The following DDX31 variants were observed in gnomAD, a reference collection of about 807,000 sequenced individuals.
The protein encoded by DDX31 is DEAD-box helicase 31.
DDX31 carries 70 observed loss-of-function variants against 91.3 expected under a neutral mutation model. That is an observed-to-expected ratio of 0.77 (90% CI 0.63 to 0.94). DDX31 has a LOEUF of 0.94. Among genes scored for constraint, DDX31 ranks in the 40% least tolerant of loss-of-function variants. The pLI is 0.00. For synonymous variants in DDX31, 362 were observed against 350.6 expected (o/e 1.03, Z -0.36); for missense variants, 902 against 925.0 (o/e 0.98, Z 0.32).
At position 132,633,537 on chromosome 9, in the gene DDX31, A is replaced by G. The variant is rs977011452; in HGVS notation, c.1441-1446T>C. ...AGAGTACTATACAGCTATAAAAAGA[A>G]CAAAGATTTCTATATACGGATATGG... is the stretch of plus-strand genomic sequence containing the variant. On this transcript the variant is annotated intron_variant, in intron 14 of 19. Coordinates refer to ENST00000372159, the MANE Select transcript of DDX31 (RefSeq NM_022779.9). 5.3e-5 allele frequency among the ~76,000 whole-genome samples: 8 copies of G among 152,202 alleles called. No homozygotes were observed. The South Asian group carries it at 1.7e-3, about 31-fold the overall frequency.
intron 11 of DDX31, among the ~76,000 whole-genome samples, chr9:132,647,943 C>T (rs1458395140): frequency 6.6e-6 from 1 of 152,144 alleles, no homozygotes; most frequent in Non-Finnish European, 1.5e-5. Context: ...AGTCTTTTCT[C>T]GTCCTCATCC....
In DDX31 at chr9:132,658,754, A is replaced by G; in HGVS notation, c.524-19T>C. On this transcript the variant is annotated intron_variant, in intron 5 of 19. Coordinates refer to ENST00000372159, the MANE Select transcript of DDX31 (RefSeq NM_022779.9). The stretch of plus-strand genomic sequence containing the variant: ...GTTTTACCTTTCAAAAAAAAAGCAG[A>G]AGCAATTAAAATCACACACCCTACA... 6.2e-7 allele frequency: 1 copy of G among 1,611,854 alleles called. No homozygotes were observed.
chr9:132,614,046 A>G (rs186338435), intron 18 of DDX31, among the ~76,000 whole-genome samples: 69 of 151,962 alleles, frequency 4.5e-4, no homozygotes, highest in Non-Finnish European at 7.5e-4. Context: ...TCGCTTCCTC[A>G]CTCTCCTTGT....
Position 132,634,364 on chromosome 9 carries a change from A to ACG in DDX31, c.1441-2275_1441-2274dup, listed in dbSNP as rs200137730. Among the ~76,000 whole-genome samples the ACG allele has an allele frequency of 3.8e-3, 575 of 152,274 alleles. 3 individuals carry two copies. The highest frequency in any genetic ancestry group is 0.013 in the African/African-American group (539 of 41,540). On this transcript the variant is annotated intron_variant, in intron 14 of 19. Coordinates refer to ENST00000372159, the MANE Select transcript of DDX31 (RefSeq NM_022779.9). ...ATCTGTGTTCTATCTACGCATGCCCACGCACACACACACATATGCAAGCAC... is the reference window on the plus strand; with the variant it reads ...ATCTGTGTTCTATCTACGCATGCCCACGCGCACACACACACATATGCAAGCAC...
intron 6 of DDX31, among the ~76,000 whole-genome samples, chr9:132,656,422 G>A (rs901613808): frequency 4.6e-5 from 7 of 152,014 alleles, no homozygotes; most frequent in Non-Finnish European, 1.0e-4. Context: ...TCAAATCACT[G>A]CCCCTCCAAC....
intron 16 of DDX31, among the ~76,000 whole-genome samples, chr9:132,626,539 T>G (rs1395410891): frequency 1.3e-5 from 2 of 151,982 alleles, no homozygotes; most frequent in Non-Finnish European, 2.9e-5. Flanking sequence ...CGTGAGCTGC[T>G]GAAAGGATAC....
chr9:132,618,431 G>A lies in DDX31; in HGVS notation c.1724C>T (p.Ala575Val). 6.2e-7 allele frequency: 1 copy of A among 1,610,656 alleles called. No homozygotes were observed. The highest frequency in any genetic ancestry group is 1.1e-5 in the South Asian group (1 of 90,082). Residue 575 changes from alanine (A) to valine (V), a missense_variant, in exon 18 of 20, where the codon GCT becomes GTT. Physicochemically the swap from Ala to Val is moderately conservative, Grantham distance 64. Transcript: ENST00000372159. Reference sequence around the variant, plus strand: ...CTCTCGGATTTCCTGGGGGCCAACAGCATGGGATTTCTGAGAGGGCGACGG... The same window carrying A: ...CTCTCGGATTTCCTGGGGGCCAACAACATGGGATTTCTGAGAGGGCGACGG... The part of the protein sequence containing the change: ...GKRWGAQKSH[A>V]VGPQEIRERA...
At chr9:132,611,603 A>T (rs1014064245) in intron 19 of DDX31, among the ~76,000 whole-genome samples, 4 of 152,044 alleles carry the variant, frequency 2.6e-5, no homozygotes, top group African/African-American at 9.7e-5. Flanking sequence ...AGGAAAGGGG[A>T]AGGGCTCACC....
intron 18 of DDX31, among the ~76,000 whole-genome samples, chr9:132,617,296 A>G (rs1349428947): frequency 1.3e-5 from 2 of 152,062 alleles, no homozygotes; most frequent in African/African-American, 2.4e-5. Context: ...GCACTCTGCT[A>G]TGTCACCCCT....
At chr9:132,611,215 C>T (rs772343477) in intron 19 of DDX31, among the ~76,000 whole-genome samples, 4 of 152,128 alleles carry the variant, frequency 2.6e-5, no homozygotes, top group Non-Finnish European at 4.4e-5. Context: ...ACTAACCATC[C>T]ACAACGTTCT....
At chr9:132,659,658 A>G in intron 5 of DDX31, 52 bp downstream of exon 5, 1 of 1,558,396 alleles carries the variant, frequency 6.4e-7, no homozygotes, top group Non-Finnish European at 8.7e-7. Context: ...AACCTAGTGC[A>G]TGACCATGGG....
intron 16 of DDX31, 142 bp downstream of exon 16, chr9:132,630,122 G>A (rs966885018): frequency 4.6e-6 from 4 of 869,088 alleles, no homozygotes; most frequent in Non-Finnish European, 6.7e-6. Context: ...TTTAGTTTTT[G>A]CCACTGGCTA....
rs374806240 is a variant in DDX31 at position 132,652,713 on chromosome 9, A to G, written c.589-221T>C. 3.0e-4 allele frequency among the ~76,000 whole-genome samples: 46 copies of G among 152,132 alleles called. 1 individual carries two copies. Among genetic ancestry groups the G allele is most frequent in the African/African-American group, 1.0e-3 (42 of 41,544 alleles). ...TCCCACATGTTGTAGGAGGAAGGGC[A>G]GGGGGGCAGGAGTGAGGTGGTAATT... On this transcript the variant is annotated intron_variant, in intron 6 of 19. Coordinates refer to ENST00000372159, the MANE Select transcript of DDX31 (RefSeq NM_022779.9).
chr9:132,630,948 C>T (rs1832680155), intron 15 of DDX31, among the ~76,000 whole-genome samples: 1 of 152,232 alleles, frequency 6.6e-6, no homozygotes, highest in Non-Finnish European at 1.5e-5. Flanking sequence ...GCAGCAGCCC[C>T]ACTCAGTCCT....
chr9:132,645,903 C>A lies in DDX31; in HGVS notation c.1372G>T (p.Glu458Ter). 2 of 1,612,444 alleles carry A rather than the reference C, an allele frequency of 1.2e-6. No homozygotes were observed. The highest frequency in any genetic ancestry group is 2.2e-5 in the South Asian group (2 of 90,832). The change falls in exon 13 of 20, where the codon GAG (glutamate) becomes TAG (stop). Residue 458 changes from glutamate to a stop codon, truncating the protein, a stop_gained. Transcript: ENST00000372159. LOFTEE classifies it high-confidence loss of function. ...LKFLRLHGGM[E>*]QEERTAVFQE... is the part of the protein sequence containing the mutation. ...GGGAGATCAGTGCTCACCTCCTGCT[C>A]CATGCCGCCATGCAGCCGTAGGAAT...
chr9:132,615,466 C>T (rs867409369), intron 18 of DDX31, among the ~76,000 whole-genome samples: 1 of 152,044 alleles, frequency 6.6e-6, no homozygotes, highest in African/African-American at 2.4e-5. Flanking sequence ...AAGGAGGTTC[C>T]CTGCTGTTCT....
chr9:132,662,481 GA>G lies in DDX31; in HGVS notation c.289del (p.Ser97HisfsTer18). On this transcript the variant is annotated frameshift_variant, in exon 2 of 20. Coordinates refer to ENST00000372159, the MANE Select transcript of DDX31 (RefSeq NM_022779.9). LOFTEE classifies it high-confidence loss of function. ...GTCAGGGTTGTTTTTAAACAGTGAT[GA>G]AGTCTTAATGCACTGTCTCTCCTCC... is the stretch of plus-strand genomic sequence containing the variant. Reference protein sequence around the residue: ...NQEERQCIKTSSLFKNNPDIP... With the variant: ...NQEERQCIKTXSLFKNNPDIP... 6.2e-7 allele frequency: 1 copy of G among 1,614,186 alleles called. No homozygotes were observed. The highest frequency in any genetic ancestry group is 1.1e-5 in the South Asian group (1 of 91,078).
chr9:132,595,417 G>A lies in DDX31; in HGVS notation c.1995-305C>T, dbSNP rs1050877787. ...CTCATGCTCTGATGGCAAATGAGGT[G>A]TATGATACAGCGGTTTGCCAAAGGA... On this transcript the variant is annotated intron_variant, in intron 19 of 19. Transcript: ENST00000372159. The surrounding 1 kb of genome is among the most constrained non-coding windows in gnomAD (Gnocchi z 4.6). 6.6e-6 allele frequency among the ~76,000 whole-genome samples: 1 copy of A among 152,194 alleles called. No individual in the cohort carries two copies. The highest frequency in any genetic ancestry group is 2.4e-5 in the African/African-American group (1 of 41,434).
chr9:132,617,777 T>C (rs1490135119), intron 18 of DDX31, among the ~76,000 whole-genome samples: 1 of 152,254 alleles, frequency 6.6e-6, no homozygotes, highest in East Asian at 1.9e-4. Context: ...TAATGTATGG[T>C]GATCCCAGGA....
Sources: allele counts gnomAD v4.1 joint callset (sites outside exome capture counted in the v4.1 genomes callset), GRCh38; gene constraint gnomAD v4.1.1; non-coding constraint Gnocchi (gnomAD v3.1); transcripts MANE v1.5; gene names NCBI Gene and HGNC (gene_info 2026-07-23, HGNC 2026-07-21).